The following FAM107B variants were observed in gnomAD, a reference collection of about 807,000 sequenced individuals.
FAM107B encodes the protein family with sequence similarity 107 member B, also known as protein FAM107B.
Under a neutral mutation model 31.5 loss-of-function variants are expected in FAM107B, and 21 were observed. The ratio of observed to expected loss-of-function variants is 0.67; its 90% CI spans 0.47 to 0.96. FAM107B has a LOEUF of 0.96. Among genes scored for constraint, FAM107B ranks in the 40% least tolerant of loss-of-function variants. The probability of loss-of-function intolerance (pLI) is 0.00; values close to 1 mark genes in which losing one functional copy is unlikely to be tolerated. For missense variants in FAM107B, 452 were observed against 377.1 expected, an observed-to-expected ratio of 1.20 and a Z score of -1.64; for synonymous variants, 157 against 141.5, an observed-to-expected ratio of 1.11 and a Z score of -0.78.
chr10:14,536,733 G>A (rs1847651606), intron 2 of FAM107B, among the ~76,000 whole-genome samples: 1 of 152,136 alleles, frequency 6.6e-6, no homozygotes, highest in African/African-American at 2.4e-5. Flanking sequence ...TCCCACCAGA[G>A]TCATCAGCGT....
chr10:14,678,864 T>A (rs1854756385), intron 1 of FAM107B, among the ~76,000 whole-genome samples: 1 of 152,150 alleles, frequency 6.6e-6, no homozygotes, highest in Admixed American at 6.5e-5. Context: ...ACGGAACAGT[T>A]TAGGTGGCAG....
At chr10:14,558,366 AACAAGATACCTAATTAAATTATTTC>A (rs1358672087) in intron 2 of FAM107B, among the ~76,000 whole-genome samples, 1 of 152,246 alleles carries the variant, frequency 6.6e-6, no homozygotes, top group Non-Finnish European at 1.5e-5. Context: ...ACTCAGGGTA[AACAAGATACCTAATTAAATTATTTC>A]ACCCTGAGGT....
At position 14,614,334 on chromosome 10, in the gene FAM107B, G is replaced by A. The variant is rs568930749; in HGVS notation, c.469+53300C>T. On this transcript the variant is annotated intron_variant, in intron 2 of 4. Transcript: ENST00000181796. ...AGAAACTGAGGCCTGTGCCCAGGGC[G>A]CTCTGGCATTTAGTGGTCGGGGAGC... is the stretch of plus-strand genomic sequence containing the variant. Among the ~76,000 whole-genome samples the A allele has an allele frequency of 3.9e-5, 6 of 152,044 alleles. No homozygotes were observed. In the South Asian group the frequency reaches 6.2e-4, roughly 16 times the overall value.
In FAM107B at chr10:14,767,024, GTATATA is replaced by G. The variant is rs369321562; in HGVS notation, c.411+7223_411+7228del. Among the ~76,000 whole-genome samples, 52 of 16,232 alleles carry G rather than the reference GTATATA, an allele frequency of 3.2e-3. 5 individuals are homozygous for G. Among genetic ancestry groups the G allele is most frequent in the Non-Finnish European group, 5.2e-3 (23 of 4,412 alleles). The allele number at this position is 16,232 out of a possible 152,430, so 10.6% of individuals were successfully genotyped here. A position where few individuals can be genotyped will look rare whatever the true frequency, so the allele number is the denominator to read the frequency against. On this transcript the variant is annotated intron_variant, in intron 1 of 4. Coordinates refer to ENST00000181796, the MANE Select transcript of FAM107B (RefSeq NM_031453.4). ...GCAGAACAATATCCCTGATGTGTAT[GTATATA>G]TATATATATATATATATATATATAT...
chr10:14,761,222 G>T (rs1833040984), intron 1 of FAM107B, among the ~76,000 whole-genome samples: 1 of 152,100 alleles, frequency 6.6e-6, no homozygotes, highest in African/African-American at 2.4e-5. Flanking sequence ...AAACTTTCAT[G>T]GGGGCCTAAT....
At chr10:14,559,994 C>G (rs1004011065) in intron 2 of FAM107B, among the ~76,000 whole-genome samples, 2 of 152,158 alleles carry the variant, frequency 1.3e-5, no homozygotes, top group African/African-American at 4.8e-5. Context: ...CATACAATCT[C>G]TGAATTAACA....
At chr10:14,672,534 T>C (rs1377951962) in intron 1 of FAM107B, among the ~76,000 whole-genome samples, 2 of 152,248 alleles carry the variant, frequency 1.3e-5, no homozygotes, top group Admixed American at 6.5e-5. Context: ...TTTGTTTGTG[T>C]TTCTAAACAT....
At chr10:14,763,272 G>A (rs538201682) in intron 1 of FAM107B, among the ~76,000 whole-genome samples, 9 of 152,118 alleles carry the variant, frequency 5.9e-5, no homozygotes, top group Non-Finnish European at 8.8e-5. Flanking sequence ...AAATAAAAAC[G>A]TAAATAATAA....
intron 1 of FAM107B, among the ~76,000 whole-genome samples, chr10:14,727,712 C>T (rs11259293): frequency 2.4e-4 from 36 of 152,302 alleles, no homozygotes; most frequent in Non-Finnish European, 4.4e-4. Context: ...TTCCCTTCCT[C>T]GAATCACTTC....
intron 2 of FAM107B, among the ~76,000 whole-genome samples, chr10:14,643,601 G>A (rs1184182570): frequency 6.6e-6 from 1 of 152,006 alleles, no homozygotes; most frequent in Non-Finnish European, 1.5e-5. Context: ...GTAGAGACAG[G>A]GTTTTACCCT....
chr10:14,572,746 T>TATATAC (rs71388187), intron 2 of FAM107B, among the ~76,000 whole-genome samples: 21,786 of 135,868 alleles, frequency 0.16, 2,722 homozygotes, highest in Middle Eastern at 0.3. Flanking sequence ...AATTTATATA[T>TATATAC]ATATATATAT....
intron 1 of FAM107B, among the ~76,000 whole-genome samples, chr10:14,726,764 G>A (rs1328294184): frequency 6.6e-6 from 1 of 152,050 alleles, no homozygotes; most frequent in African/African-American, 2.4e-5. Context: ...TTAAACCAGA[G>A]GTCCCCAATC....
chr10:14,562,648 A>G (rs907534934), intron 2 of FAM107B, among the ~76,000 whole-genome samples: 1 of 152,230 alleles, frequency 6.6e-6, no homozygotes, highest in African/African-American at 2.4e-5. Context: ...CGACAATACC[A>G]CGTCAGCCAC....
intron 2 of FAM107B, among the ~76,000 whole-genome samples, chr10:14,597,459 T>G (rs950278589): frequency 1.3e-5 from 2 of 152,210 alleles, no homozygotes; most frequent in African/African-American, 4.8e-5. Flanking sequence ...TATGACACTT[T>G]AGGAACAATG....
At chr10:14,707,412 GA>G (rs11299870) in intron 1 of FAM107B, among the ~76,000 whole-genome samples, 152,204 of 152,234 alleles carry the variant, frequency 1, 76,087 homozygotes, top group Non-Finnish European at 1. Flanking sequence ...GCAGCTCAGA[GA>G]AGTTTGCGTT....
chr10:14,667,543 T>C (rs1854435200), intron 2 of FAM107B, 91 bp downstream of exon 2: 5 of 1,323,086 alleles, frequency 3.8e-6, no homozygotes, highest in Admixed American at 2.0e-5. Flanking sequence ...CATACAGGTT[T>C]TCCTTTGCAA....
At chr10:14,754,049 C>T (rs1190823495) in intron 1 of FAM107B, among the ~76,000 whole-genome samples, 3 of 151,904 alleles carry the variant, frequency 2.0e-5, no homozygotes. Context: ...AGCGATTCTC[C>T]CCACTCATCC....
intron 2 of FAM107B, among the ~76,000 whole-genome samples, chr10:14,639,004 A>C (rs1408783283): frequency 6.6e-6 from 1 of 152,084 alleles, no homozygotes; most frequent in Admixed American, 6.6e-5. Context: ...CAGTCTGAGT[A>C]ACATAGTGAG....
At chr10:14,608,365 C>T (rs1376387085) in intron 2 of FAM107B, among the ~76,000 whole-genome samples, 4 of 152,338 alleles carry the variant, frequency 2.6e-5, no homozygotes, top group South Asian at 4.1e-4. Context: ...TATAACACAT[C>T]GCCTCAAAAC....
Sources: gnomAD v4.1 joint callset for allele counts (sites outside exome capture counted in the v4.1 genomes callset) on GRCh38, gnomAD v4.1.1 for gene constraint, MANE v1.5 for transcripts, NCBI Gene and HGNC (gene_info 2026-07-23, HGNC 2026-07-21) for gene names.